Variants in SLC39A4 observed in about 807,000 individuals in gnomAD.
The protein encoded by SLC39A4 is solute carrier family 39 member 4.
Under a neutral mutation model 56.6 loss-of-function variants are expected in SLC39A4, and 49 were observed. The observed-to-expected ratio is 0.87, with a 90% CI of 0.69 to 1.10. The LOEUF is 1.10. SLC39A4 is among the 50% of genes least tolerant of loss of function. The probability of loss-of-function intolerance (pLI) is 0.00; values close to 1 mark genes in which losing one functional copy is unlikely to be tolerated. For missense variants in SLC39A4, 993 were observed against 864.2 expected (o/e 1.15, Z -1.87); for synonymous variants, 540 against 420.4 (o/e 1.28, Z -3.48).
Position 144,413,998 on chromosome 8 carries a change from A to C in SLC39A4, c.1247T>G (p.Phe416Cys), listed in dbSNP as rs1360277134. The C allele has an allele frequency of 2.5e-6, 4 of 1,607,864 alleles. No individual in the cohort carries two copies. In the Admixed American group the frequency reaches 6.7e-5, roughly 27 times the overall value. Reference protein sequence around the residue: ...MLAGLYAFFLFENLFNLLLPR... With the variant: ...MLAGLYAFFLCENLFNLLLPR... ...CAGCAGGAGATTGAAGAGGTTCTCA[A>C]ACAGGAAGAAGGCGTAGAGCCCGGC... Residue 416 changes from phenylalanine (F) to cysteine (C), a missense_variant, in exon 7 of 12, where the codon TTT becomes TGT. Phe to Cys is a radical substitution (Grantham distance 205, BLOSUM62 -2). Transcript: ENST00000301305.
Position 144,413,979 on chromosome 8 carries a change from G to A in SLC39A4, c.1266C>T (p.Leu422=), listed in dbSNP as rs1586651106. The change falls in exon 7 of 12, where the codon CTC becomes CTT. Residue 422 remains leucine (L), a synonymous_variant. Coordinates refer to ENST00000301305, the MANE Select transcript of SLC39A4 (RefSeq NM_130849.4). ...AFFLFENLFN[L]LLPRDPEDLE... ...TGACCTCCGGGTCCCTGGGCAGCAGGAGATTGAAGAGGTTCTCAAACAGGA... is the reference window on the plus strand; with the variant it reads ...TGACCTCCGGGTCCCTGGGCAGCAGAAGATTGAAGAGGTTCTCAAACAGGA... 1.2e-6 allele frequency: 2 copies of A among 1,609,718 alleles called. No individual in the cohort carries two copies. Among genetic ancestry groups the A allele is most frequent in the East Asian group, 4.5e-5 (2 of 44,748 alleles).
Position 144,412,887 on chromosome 8 carries a change from G to A in SLC39A4, c.1687C>T (p.Leu563=), listed in dbSNP as rs782730943. The A allele has an allele frequency of 1.2e-6, 2 of 1,610,700 alleles. No homozygotes were observed. Among genetic ancestry groups the A allele is most frequent in the Non-Finnish European group, 1.7e-6 (2 of 1,179,782 alleles). The change falls in exon 11 of 12, where the codon CTG becomes TTG. Residue 563 remains leucine (L), a synonymous_variant. Transcript: ENST00000301305. ...GCGAAGGCCGTGAGCGCGGAGGCCAGGTTCAGCAGCAGTGCTTGGCGCACG... is the reference window on the plus strand; with the variant it reads ...GCGAAGGCCGTGAGCGCGGAGGCCAAGTTCAGCAGCAGTGCTTGGCGCACG... The part of the protein sequence containing the change: ...LSVRQALLLN[L]ASALTAFAGL...
At chr8:144,414,529 G>C in intron 5 of SLC39A4, 95 bp from the exon 6 acceptor site, 4 of 1,531,410 alleles carry the variant, frequency 2.6e-6, no homozygotes, top group Non-Finnish European at 3.5e-6. Context: ...CGTCAGTGTG[G>C]GCCAGGCCCT....
Position 144,415,295 on chromosome 8 carries a change from G to C in SLC39A4, c.599C>G (p.Pro200Arg). 1 of 1,613,194 alleles carries C rather than the reference G, an allele frequency of 6.2e-7. No individual in the cohort carries two copies. Among genetic ancestry groups the C allele is most frequent in the Non-Finnish European group, 8.5e-7 (1 of 1,179,842 alleles). Residue 200 changes from proline (P) to arginine (R), a missense_variant, in exon 3 of 12, where the codon CCG (proline) becomes CGG (arginine). By Grantham distance (103) the Pro-to-Arg change is moderately radical (BLOSUM62 -2). Transcript: ENST00000301305. ...VRSGSCFHAL[P>R]SPQYFVDFVF... is the part of the protein sequence containing the mutation. ...AAAGTCCACGAAGTACTGAGGGCTC[G>C]GCAAGGCGTGGAAGCAAGACCCGCT...
rs782457308 is a variant in SLC39A4, at chr8:144,415,380, C to T, written c.514G>A (p.Gly172Arg). Residue 172 changes from glycine (G) to arginine (R), a missense_variant, in exon 3 of 12, where the codon GGG (glycine) becomes AGG (arginine). Coordinates refer to ENST00000301305, the MANE Select transcript of SLC39A4 (RefSeq NM_130849.4). Reference protein sequence around the residue: ...DIPQLLEEAVGAGAPGSAGGV... With the variant: ...DIPQLLEEAVRAGAPGSAGGV... The stretch of plus-strand genomic sequence containing the variant: ...CCAGCACTGCCCGGAGCCCCCGCCC[C>T]CACCGCCTCCTCCAGCAGCTGAGGG... 1.2e-6 allele frequency: 2 copies of T among 1,608,324 alleles called. No individual in the cohort carries two copies. The highest frequency in any genetic ancestry group is 1.1e-5 in the South Asian group (1 of 90,562).
At chr8:144,413,136 CGGCCCCGCCCATCTTCCA>C (rs1300028430) in intron 10 of SLC39A4, 83 bp downstream of exon 10, 5 of 1,486,372 alleles carry the variant, frequency 3.4e-6, no homozygotes, top group African/African-American at 2.8e-5. Flanking sequence ...CAGCCAGGTG[CGGCCCCGCCCATCTTCCA>C]GGCCCCGCCC....
chr8:144,413,536 G>C lies in SLC39A4; in HGVS notation c.1451C>G (p.Pro484Arg), dbSNP rs552929616. The C allele has an allele frequency of 1.9e-5, 30 of 1,556,048 alleles. No homozygotes were observed. The South Asian group carries it at 3.4e-4, about 18-fold the overall frequency. ...ACCTGGGCTCAGTCTCCTGGGCTCAGGGTTCAGCAGCTCCGGGCTCTCCTC... is the reference window on the plus strand; with the variant it reads ...ACCTGGGCTCAGTCTCCTGGGCTCACGGTTCAGCAGCTCCGGGCTCTCCTC... ...VAEESPELLN[P>R]EPRRLSPELR... Residue 484 changes from proline (P) to arginine (R), a missense_variant, in exon 9 of 12, where the codon CCT becomes CGT. Pro to Arg is a moderately radical substitution (Grantham distance 103). Coordinates refer to ENST00000301305, the MANE Select transcript of SLC39A4 (RefSeq NM_130849.4).
In SLC39A4 at chr8:144,413,875, C is replaced by G; in HGVS notation, c.1294G>C (p.Glu432Gln). 1 of 1,606,140 alleles carries G rather than the reference C, an allele frequency of 6.2e-7. No homozygotes were observed. Among genetic ancestry groups the G allele is most frequent in the Non-Finnish European group, 8.5e-7 (1 of 1,178,050 alleles). ...LLLPRDPEDL[E>Q]DGPCGHSSHS... is the part of the protein sequence containing the mutation. ...CTGCTGTGGCCGCAGGGCCCGTCCTCCAGGTCCTGTGAGGGTAGGTGCTCA... is the reference window on the plus strand; with the variant it reads ...CTGCTGTGGCCGCAGGGCCCGTCCTGCAGGTCCTGTGAGGGTAGGTGCTCA... Residue 432 changes from glutamate (E) to glutamine (Q), a missense_variant, in exon 8 of 12, where the codon GAG (glutamate) becomes CAG (glutamine). By Grantham distance (29) the Glu-to-Gln change is conservative (BLOSUM62 2). Transcript: ENST00000301305.
Position 144,413,513 on chromosome 8 carries a change from C to A in SLC39A4, c.1474G>T (p.Glu492Ter). Residue 492 changes from glutamate (E) to a stop codon, truncating the protein, a stop_gained and splice_region_variant, in exon 9 of 12, where the codon GAG becomes TAG. Coordinates refer to ENST00000301305, the MANE Select transcript of SLC39A4 (RefSeq NM_130849.4). LOFTEE classifies it high-confidence loss of function. ...TTCCGGGGTCGCCCCCTGGGCTCAC[C>A]TGGGCTCAGTCTCCTGGGCTCAGGG... is the stretch of plus-strand genomic sequence containing the variant. Reference protein sequence around the residue: ...LNPEPRRLSPELRLLPYMITL... With the variant: ...LNPEPRRLSP 6.4e-7 allele frequency: 1 copy of A among 1,556,806 alleles called. No individual in the cohort carries two copies. Among genetic ancestry groups the A allele is most frequent in the Non-Finnish European group, 8.7e-7 (1 of 1,150,246 alleles).
intron 6 of SLC39A4, 31 bp downstream of exon 6, chr8:144,414,231 G>C (rs2928380): frequency 6.2e-7 from 1 of 1,602,080 alleles, no homozygotes; most frequent in African/African-American, 1.3e-5. Flanking sequence ...GGGGAACGGA[G>C]GGCCAGGGTC....
In SLC39A4 at chr8:144,414,255, G is replaced by GA; in HGVS notation, c.1149+6_1149+7insT. ...AGGGCCAGGGTCGCGGGTTTGTGGG[G>GA]GCAGACCTTGGGCGTCAGATGCAGG... On this transcript the variant is annotated splice_region_variant and intron_variant, in intron 6 of 11. Coordinates refer to ENST00000301305, the MANE Select transcript of SLC39A4 (RefSeq NM_130849.4). 2 of 1,607,736 alleles carry GA rather than the reference G, an allele frequency of 1.2e-6. No individual in the cohort carries two copies. The highest frequency in any genetic ancestry group is 1.7e-6 in the Non-Finnish European group (2 of 1,178,406).
chr8:144,412,990 T>C, intron 10 of SLC39A4, 44 bp from the exon 11 acceptor site: 1 of 1,545,944 alleles, frequency 6.5e-7, no homozygotes, highest in Non-Finnish European at 8.7e-7. Context: ...CCTAGCTACA[T>C]GCCCCGCCCA....
intron 10 of SLC39A4, 90 bp from the exon 11 acceptor site, chr8:144,413,036 C>T (rs1180285201): frequency 1.1e-5 from 17 of 1,510,676 alleles, no homozygotes; most frequent in Admixed American, 2.0e-5. Flanking sequence ...CACCAGGCCC[C>T]GCCCACCTGT....
chr8:144,414,979 C>G lies in SLC39A4; in HGVS notation c.799G>C (p.Asp267His). 2 of 1,612,724 alleles carry G rather than the reference C, an allele frequency of 1.2e-6. No homozygotes were observed. Among genetic ancestry groups the G allele is most frequent in the Non-Finnish European group, 1.7e-6 (2 of 1,179,966 alleles). The change falls in exon 4 of 12, where the codon GAC becomes CAC. Residue 267 changes from aspartate to histidine, a missense_variant. Physicochemically the swap from Asp to His is moderately conservative, Grantham distance 81. Coordinates refer to ENST00000301305, the MANE Select transcript of SLC39A4 (RefSeq NM_130849.4). ...ISSSNSSSVW[D>H]TVCLSARDVM... is the part of the protein sequence containing the mutation. Reference sequence around the variant, plus strand: ...TACCCCAGGGCGCAGCTCACCGTGTCCCACACACTGGAGCTGTTGCTGGAG... The same window carrying G: ...TACCCCAGGGCGCAGCTCACCGTGTGCCACACACTGGAGCTGTTGCTGGAG...
Position 144,415,833 on chromosome 8 carries a change from C to A in SLC39A4, c.451G>T (p.Ala151Ser), listed in dbSNP as rs782671469. ...SWLLQRMQAR[A>S]AGQTPKMACV... ...ACCATCTTGGGGGTCTGGCCGGCAG[C>A]CCGGGCCTGCATCCTCTGCAGCAGC... Residue 151 changes from alanine to serine, a missense_variant, in exon 2 of 12, where the codon GCT becomes TCT. Physicochemically the swap from Ala to Ser is moderately conservative, Grantham distance 99. Coordinates refer to ENST00000301305, the MANE Select transcript of SLC39A4 (RefSeq NM_130849.4). 1 of 1,594,920 alleles carries A rather than the reference C, an allele frequency of 6.3e-7. No individual in the cohort carries two copies. The highest frequency in any genetic ancestry group is 1.1e-5 in the South Asian group (1 of 90,152).
rs1346768248 is a variant in SLC39A4, at chr8:144,416,768, C to T, written c.22G>A (p.Glu8Lys). Residue 8 changes from glutamate to lysine, a missense_variant, in exon 1 of 12, where the codon GAG (glutamate) becomes AAG (lysine). Glu to Lys is a moderately conservative substitution (Grantham distance 56). Coordinates refer to ENST00000301305, the MANE Select transcript of SLC39A4 (RefSeq NM_130849.4). ...AGCACAGCCAGAAGCAGCCCCAGCT[C>T]CAGCGAGACCAGGGACGCCATACTC... Reference protein sequence around the residue: MASLVSLELGLLLAVLVV... With the variant: MASLVSLKLGLLLAVLVV... 1.9e-6 allele frequency: 3 copies of T among 1,612,530 alleles called. No homozygotes were observed. Among genetic ancestry groups the T allele is most frequent in the Non-Finnish European group, 1.7e-6 (2 of 1,179,864 alleles).
rs1554872564 is a variant in SLC39A4, at chr8:144,413,746, T to G, written c.1419+4A>C. ...GTGGGATGGGGCATCTGGCGCCCAC[T>G]CACCAGGTCTGCGCGGGAGCCCTCG... On this transcript the variant is annotated splice_donor_region_variant and intron_variant, in intron 8 of 11. Transcript: ENST00000301305. The G allele has an allele frequency of 6.5e-7, 1 of 1,536,590 alleles. No homozygotes were observed. Among genetic ancestry groups the G allele is most frequent in the South Asian group, 1.2e-5 (1 of 84,024 alleles).
intron 5 of SLC39A4, 126 bp downstream of exon 5, chr8:144,414,599 G>C (rs1443389859): frequency 8.6e-6 from 13 of 1,503,208 alleles, no homozygotes; most frequent in South Asian, 1.3e-5. Flanking sequence ...ACCTTCCCCT[G>C]TGTCTGTTGT....
rs140824193 is a variant in SLC39A4, at chr8:144,415,350, C to T, written c.544G>A (p.Val182Ile). ...ACATGGTCCAGCAGGGCAGCCAGGA[C>T]GCCGCCAGCACTGCCCGGAGCCCCC... ...GAGAPGSAGG[V>I]LAALLDHVRS... The change falls in exon 3 of 12, where the codon GTC (valine) becomes ATC (isoleucine). Residue 182 changes from valine to isoleucine, a missense_variant. Physicochemically the swap from Val to Ile is conservative, Grantham distance 29. Transcript: ENST00000301305. 2.5e-5 allele frequency: 40 copies of T among 1,611,560 alleles called. No individual in the cohort carries two copies. The highest frequency in any genetic ancestry group is 6.7e-5 in the East Asian group (3 of 44,838).
Sources: allele counts gnomAD v4.1 joint callset, GRCh38; gene constraint gnomAD v4.1.1; transcripts MANE v1.5; gene names NCBI Gene and HGNC (gene_info 2026-07-23, HGNC 2026-07-21).